Variants in MASP1 observed in about 807,000 individuals in gnomAD.
The protein encoded by MASP1 is mannan-binding lectin serine protease 1.
A neutral mutation model predicts 77.1 loss-of-function variants in MASP1; 59 were observed. That is an observed-to-expected ratio of 0.77 (90% confidence interval 0.62 to 0.95). The LOEUF is 0.95. MASP1 is among the 40% of genes least tolerant of loss of function. MASP1 has a pLI of 0.00. For missense variants in MASP1, 885 were observed against 912.9 expected, an observed-to-expected ratio of 0.97 and a Z score of 0.39; for synonymous variants, 362 against 354.5, an observed-to-expected ratio of 1.02 and a Z score of -0.24.
chr3:187,232,597 C>A (rs1712836769), downstream of MASP1, among the ~76,000 whole-genome samples: 2 of 152,220 alleles, frequency 1.3e-5, no homozygotes, highest in South Asian at 4.2e-4. Context: ...TTTCTTCAAC[C>A]CCATGTTCAA....
intron 2 of MASP1, among the ~76,000 whole-genome samples, chr3:187,270,832 C>A (rs941828875): frequency 1.3e-5 from 2 of 152,164 alleles, no homozygotes; most frequent in Non-Finnish European, 2.9e-5. Flanking sequence ...CTATCAGCTA[C>A]CAGATGAGAA....
In MASP1 at chr3:187,262,532, C is replaced by T; in HGVS notation, c.415+11G>A. 6.2e-7 allele frequency: 1 copy of T among 1,613,938 alleles called. No individual in the cohort carries two copies. The highest frequency in any genetic ancestry group is 1.1e-5 in the South Asian group (1 of 91,080). ...AGAGAGACCTGAGGATGAGTCACTTCTCCAACTTACCCACAGCCATGTAGT... is the reference window on the plus strand; with the variant it reads ...AGAGAGACCTGAGGATGAGTCACTTTTCCAACTTACCCACAGCCATGTAGT... On this transcript the variant is annotated intron_variant, in intron 3 of 10. Coordinates refer to ENST00000296280, the MANE Select transcript of MASP1 (RefSeq NM_139125.4).
intron 8 of MASP1, chr3:187,247,228 G>A (rs1395094812): frequency 3.7e-6 from 6 of 1,601,012 alleles, no homozygotes; most frequent in Non-Finnish European, 5.1e-6. Context: ...ACATGGAAAG[G>A]GGCACGGGGG....
chr3:187,287,879 G>T (rs1717987992), intron 1 of MASP1, among the ~76,000 whole-genome samples: 1 of 152,042 alleles, frequency 6.6e-6, no homozygotes, highest in Admixed American at 6.6e-5. Context: ...TGAGTTTTTG[G>T]GTATGTAAAC....
rs1272195536 is a variant in MASP1 at position 187,234,419 on chromosome 3, C to G, written c.*1265G>C. On this transcript the variant is annotated 3_prime_UTR_variant, in exon 11 of 11. Coordinates refer to ENST00000296280, the MANE Select transcript of MASP1 (RefSeq NM_139125.4). The stretch of plus-strand genomic sequence containing the variant: ...TCTGAGTGCTCCAGCTAGAAGGAAC[C>G]TGCAGGGGACCTTATGCCAGCCTGT... 3 of 1,286,942 alleles carry G rather than the reference C, an allele frequency of 2.3e-6. No individual in the cohort carries two copies. The highest frequency in any genetic ancestry group is 3.0e-6 in the Non-Finnish European group (3 of 988,542). The allele number at this position is 1,286,942 out of a possible 1,614,324, so 79.7% of individuals were successfully genotyped here.
intron 13 of MASP1, among the ~76,000 whole-genome samples, chr3:187,224,932 A>G (rs116659564): frequency 4.9e-4 from 74 of 152,226 alleles, no homozygotes; most frequent in Non-Finnish European, 1.0e-3. Flanking sequence ...CCCCTTTTCC[A>G]AGCTTCTAAT....
intron 15 of MASP1, among the ~76,000 whole-genome samples, chr3:187,220,496 C>CTTTTTTT (rs376566294): frequency 2.3e-5 from 3 of 127,752 alleles, no homozygotes; most frequent in African/African-American, 3.1e-5. Flanking sequence ...TTTTTTCTTT[C>CTTTTTTT]TTTTTTTTTT....
At chr3:187,268,525 G>GAAAGAAAAGA (rs772156759) in intron 2 of MASP1, among the ~76,000 whole-genome samples, 17,024 of 141,216 alleles carry the variant, frequency 0.12, 1,502 homozygotes, top group African/African-American at 0.25. Context: ...GAGGAAGAAA[G>GAAAGAAAAGA]AAAGAAAAGA....
exon 16 of MASP1, chr3:187,219,834 A>T: frequency 1.8e-6 from 1 of 564,410 alleles, no homozygotes; most frequent in Non-Finnish European, 3.2e-6. Flanking sequence ...CCTGCCCAGC[A>T]CTGCAAACTA....
chr3:187,253,107 C>T, intron 6 of MASP1, 61 bp downstream of exon 6: 1 of 1,608,488 alleles, frequency 6.2e-7, no homozygotes, highest in South Asian at 1.1e-5. Flanking sequence ...CCTCCCTCAG[C>T]CACTGCCTCT....
chr3:187,283,889 C>G (rs1441696147), intron 2 of MASP1, among the ~76,000 whole-genome samples: 2 of 152,098 alleles, frequency 1.3e-5, no homozygotes, highest in African/African-American at 4.8e-5. Context: ...GCCTGAGGAC[C>G]CATACCTACA....
intron 4 of MASP1, among the ~76,000 whole-genome samples, chr3:187,258,741 C>G (rs1041220426): frequency 6.6e-6 from 1 of 152,226 alleles, no homozygotes; most frequent in Non-Finnish European, 1.5e-5. Flanking sequence ...GGGTGGCCAT[C>G]TGTTCAAACT....
At chr3:187,278,044 T>G (rs1231837374) in intron 2 of MASP1, among the ~76,000 whole-genome samples, 1 of 152,222 alleles carries the variant, frequency 6.6e-6, no homozygotes, top group Non-Finnish European at 1.5e-5. Context: ...TCATTACCAC[T>G]ATAATAGTAC....
chr3:187,254,766 C>G (rs983444467), intron 5 of MASP1, among the ~76,000 whole-genome samples: 16 of 152,104 alleles, frequency 1.1e-4, no homozygotes, highest in Admixed American at 4.6e-4. Context: ...GCAATAGGCT[C>G]TATTATCTGA....
At position 187,234,347 on chromosome 3, in the gene MASP1, CAA is replaced by C. The variant is rs1177563597; in HGVS notation, c.*1335_*1336del. The C allele has an allele frequency of 5.1e-5, 65 of 1,287,106 alleles. No homozygotes were observed. Among genetic ancestry groups the C allele is most frequent in the Non-Finnish European group, 5.8e-5 (57 of 988,706 alleles). 79.7% of individuals were successfully genotyped at this position (1,287,106 alleles called of 1,614,324 possible). On this transcript the variant is annotated 3_prime_UTR_variant, in exon 11 of 11. Transcript: ENST00000296280. ...GAGAGAGCTCCAGGGAGAAGGAGAA[CAA>C]TCAGCCCTGTGAGGGCCAGAGAGGC...
chr3:187,286,144 A>C, intron 1 of MASP1, 88 bp from the exon 2 acceptor site: 104 of 1,058,026 alleles, frequency 9.8e-5, no homozygotes, highest in Non-Finnish European at 1.3e-4. Flanking sequence ...ACAAGATCTC[A>C]GCATGTCTCT....
chr3:187,219,892 C>T (rs1012590537), exon 16 of MASP1: 12 of 673,926 alleles, frequency 1.8e-5, no homozygotes, highest in Non-Finnish European at 2.9e-5. Context: ...CACTCTCTTG[C>T]TCCATCTCTT....
At chr3:187,283,739 C>A (rs1384359406) in intron 2 of MASP1, among the ~76,000 whole-genome samples, 3 of 152,148 alleles carry the variant, frequency 2.0e-5, no homozygotes, top group African/African-American at 4.8e-5. Flanking sequence ...TTGTCTAAAT[C>A]CATGGAACTT....
At chr3:187,287,743 A>G (rs1717978279) in intron 1 of MASP1, among the ~76,000 whole-genome samples, 1 of 152,248 alleles carries the variant, frequency 6.6e-6, no homozygotes, top group Non-Finnish European at 1.5e-5. Flanking sequence ...TAAAAAGTCA[A>G]TGCTGGGAAA....
Sources: gnomAD v4.1 joint callset for allele counts (sites outside exome capture counted in the v4.1 genomes callset) on GRCh38, gnomAD v4.1.1 for gene constraint, MANE v1.5 for transcripts, NCBI Gene and HGNC (gene_info 2026-07-23, HGNC 2026-07-21) for gene names.